VGF: variants seen among roughly 807,000 people sequenced by gnomAD.
VGF encodes the protein VGF nerve growth factor inducible, also known as neurosecretory protein VGF.
Under a neutral mutation model 41.1 loss-of-function variants are expected in VGF, and 13 were observed. The ratio of observed to expected loss-of-function variants is 0.32; its 90% CI spans 0.21 to 0.50. The LOEUF is 0.50. Ranked by LOEUF, VGF falls within the 20% of genes least tolerant of loss-of-function variation. The pLI, the probability that VGF is intolerant of heterozygous loss-of-function variation, is 0.98. For missense variants in VGF, 920 were observed against 882.1 expected, an observed-to-expected ratio of 1.04 and a Z score of -0.54; for synonymous variants, 473 against 418.3, an observed-to-expected ratio of 1.13 and a Z score of -1.60.
chr7:101,167,538 C>G (rs1324115321), upstream of VGF, among the ~76,000 whole-genome samples: 1 of 151,986 alleles, frequency 6.6e-6, no homozygotes, highest in Admixed American at 6.6e-5. The surrounding 1 kb of genome is among the most constrained non-coding windows in gnomAD (Gnocchi z 4.2). Flanking sequence ...GAGGGGGTCA[C>G]GTTACCTTCC....
chr7:101,168,460 C>G (rs908738544), upstream of VGF, among the ~76,000 whole-genome samples: 2 of 152,088 alleles, frequency 1.3e-5, no homozygotes, highest in Admixed American at 1.3e-4. Flanking sequence ...CCTGCTGCCT[C>G]TAGGGGCTTC....
Position 101,163,267 on chromosome 7 carries a change from A to G in VGF, c.1577T>C (p.Val526Ala). ...CTCCTCCCGATCCCAGGGCGGGAGC[A>G]CCTCGTTCCAGTCCGGCAGCTCGTC... Reference protein sequence around the residue: ...ARDELPDWNEVLPPWDREEDE... With the variant: ...ARDELPDWNEALPPWDREEDE... Residue 526 changes from valine (V) to alanine (A), a missense_variant, in exon 2 of 2, where the codon GTG (valine) becomes GCG (alanine). This residue lies in a region of VGF where 257 missense variants were observed against 217.2 expected (regional missense o/e 1.18). Coordinates refer to ENST00000249330, the MANE Select transcript of VGF (RefSeq NM_003378.4). This position sits in a 1 kb window ranked among gnomAD's most constrained non-coding sequence, Gnocchi z 5.0. 1 of 1,470,358 alleles carries G rather than the reference A, an allele frequency of 6.8e-7. No individual in the cohort carries two copies. Among genetic ancestry groups the G allele is most frequent in the Non-Finnish European group, 9.0e-7 (1 of 1,116,998 alleles). 91.1% of individuals were successfully genotyped at this position (1,470,358 alleles called of 1,614,324 possible). A position where few individuals can be genotyped will look rare whatever the true frequency, so the allele number is the denominator to read the frequency against.
In VGF at chr7:101,163,430, T is replaced by A. The variant is rs1210739392; in HGVS notation, c.1414A>T (p.Ile472Phe). 1 of 1,611,640 alleles carries A rather than the reference T, an allele frequency of 6.2e-7. No individual in the cohort carries two copies. Among genetic ancestry groups the A allele is most frequent in the Non-Finnish European group, 8.5e-7 (1 of 1,179,858 alleles). ...CGCTTCTCCTCCACCTCCTCGATGA[T>A]GCTGACCACGTCGTCCGCTGGCAGG... ...LHLPADDVVS[I>F]IEEVEEKRKR... The change falls in exon 2 of 2, where the codon ATC becomes TTC. Residue 472 changes from isoleucine (I) to phenylalanine (F), a missense_variant. By Grantham distance (21) the Ile-to-Phe change is conservative. This residue lies in a region of VGF where 257 missense variants were observed against 217.2 expected (regional missense o/e 1.18). Coordinates refer to ENST00000249330, the MANE Select transcript of VGF (RefSeq NM_003378.4). This position sits in a 1 kb window ranked among gnomAD's most constrained non-coding sequence, Gnocchi z 5.0.
In VGF at chr7:101,163,108, C is replaced by A. The variant is rs1298953955; in HGVS notation, c.1736G>T (p.Arg579Leu). ...CTGCGCGCGCCGCGCCTGGGCCTCC[C>A]GGCCGGGATAGTGGCGCGAAGGCGG... ...ALPPSRHYPG[R>L]EAQARRAQEE... The change falls in exon 2 of 2, where the codon CGG (arginine) becomes CTG (leucine). Residue 579 changes from arginine to leucine, a missense_variant. This residue lies in a region of VGF where 257 missense variants were observed against 217.2 expected (regional missense o/e 1.18). Transcript: ENST00000249330. The surrounding 1 kb of genome is among the most constrained non-coding windows in gnomAD (Gnocchi z 5.0). The A allele has an allele frequency of 6.3e-7, 1 of 1,581,422 alleles. No individual in the cohort carries two copies. Among genetic ancestry groups the A allele is most frequent in the Non-Finnish European group, 8.6e-7 (1 of 1,167,412 alleles).
Position 101,162,742 on chromosome 7 carries a change from C to T in VGF, c.*254G>A, listed in dbSNP as rs1562866962. On this transcript the variant is annotated 3_prime_UTR_variant, in exon 2 of 2. Transcript: ENST00000249330. The surrounding 1 kb of genome is among the most constrained non-coding windows in gnomAD (Gnocchi z 4.2). ...GGGACTTGATGGGGCCGGGGCCCCGCGTGGCAAGGGAACTCGCACAAACCA... is the reference window on the plus strand; with the variant it reads ...GGGACTTGATGGGGCCGGGGCCCCGTGTGGCAAGGGAACTCGCACAAACCA... 1.6e-6 allele frequency: 1 copy of T among 607,774 alleles called. No homozygotes were observed. The allele number at this position is 607,774 out of a possible 1,614,324, so 37.6% of individuals were successfully genotyped here. A position where few individuals can be genotyped will look rare whatever the true frequency, so the allele number is the denominator to read the frequency against.
At chr7:101,164,914 C>T (rs527819279) in intron 1 of VGF, 51 bp from the exon 2 acceptor site, 30 of 1,470,006 alleles carry the variant, frequency 2.0e-5, no homozygotes, top group Non-Finnish European at 2.6e-5. Context: ...GAATTCCCCT[C>T]TCTAGGTCTA....
intron 1 of VGF, 186 bp downstream of exon 1, chr7:101,165,188 T>G: frequency 9.7e-7 from 1 of 1,029,624 alleles, no homozygotes; most frequent in Non-Finnish European, 1.2e-6. Flanking sequence ...CCCGTAGGAC[T>G]CCCCGGATGG....
In VGF at chr7:101,164,135, C is replaced by A; in HGVS notation, c.709G>T (p.Asp237Tyr). 6.7e-7 allele frequency: 1 copy of A among 1,502,592 alleles called. No individual in the cohort carries two copies. Among genetic ancestry groups the A allele is most frequent in the Non-Finnish European group, 8.8e-7 (1 of 1,133,850 alleles). The allele number at this position is 1,502,592 out of a possible 1,614,324, so 93.1% of individuals were successfully genotyped here. A position where few individuals can be genotyped will look rare whatever the true frequency, so the allele number is the denominator to read the frequency against. ...APSQFQARMP[D>Y]SGPLPETHKF... ...TGGGTTTCGGGAAGGGGCCCGCTGT[C>A]GGGCATACGCGCCTGGAATTGAGAG... Residue 237 changes from aspartate (D) to tyrosine (Y), a missense_variant, in exon 2 of 2, where the codon GAC (aspartate) becomes TAC (tyrosine). Transcript: ENST00000249330.
Position 101,163,404 on chromosome 7 carries a change from C to A in VGF, c.1440G>T (p.Arg480=). The A allele has an allele frequency of 1.9e-6, 3 of 1,604,686 alleles. No homozygotes were observed. Among genetic ancestry groups the A allele is most frequent in the Non-Finnish European group, 2.5e-6 (3 of 1,179,234 alleles). ...VSIIEEVEEK[R]KRKKNAPPEP... The stretch of plus-strand genomic sequence containing the variant: ...CGGGAGGGGCGTTCTTCTTCCGCTT[C>A]CGCTTCTCCTCCACCTCCTCGATGA... Residue 480 remains arginine (R), a synonymous_variant, in exon 2 of 2, where the codon CGG becomes CGT. Coordinates refer to ENST00000249330, the MANE Select transcript of VGF (RefSeq NM_003378.4). This position sits in a 1 kb window ranked among gnomAD's most constrained non-coding sequence, Gnocchi z 5.0.
chr7:101,163,926 G>A lies in VGF; in HGVS notation c.918C>T (p.Ala306=). 2.7e-6 allele frequency: 4 copies of A among 1,459,428 alleles called. No individual in the cohort carries two copies. Among genetic ancestry groups the A allele is most frequent in the Non-Finnish European group, 3.6e-6 (4 of 1,117,812 alleles). 90.4% of individuals were successfully genotyped at this position (1,459,428 alleles called of 1,614,324 possible). ...GCGTGGCCTCCGCCTGCCGCCGCCC[G>A]GCCTCCACCTGCGCCAGCCCTTGCT... The part of the protein sequence containing the change: ...LLQQGLAQVE[A]GRRQAEATRQ... The change falls in exon 2 of 2, where the codon GCC becomes GCT. Residue 306 remains alanine, a synonymous_variant. Coordinates refer to ENST00000249330, the MANE Select transcript of VGF (RefSeq NM_003378.4). This position sits in a 1 kb window ranked among gnomAD's most constrained non-coding sequence, Gnocchi z 5.0.
chr7:101,163,301 G>A lies in VGF; in HGVS notation c.1543C>T (p.Pro515Ser), dbSNP rs748239631. 18 of 1,484,304 alleles carry A rather than the reference G, an allele frequency of 1.2e-5. No individual in the cohort carries two copies. Among genetic ancestry groups the A allele is most frequent in the Non-Finnish European group, 1.6e-5 (18 of 1,128,270 alleles). The allele number at this position is 1,484,304 out of a possible 1,614,324, so 91.9% of individuals were successfully genotyped here. A position where few individuals can be genotyped will look rare whatever the true frequency, so the allele number is the denominator to read the frequency against. The change falls in exon 2 of 2, where the codon CCC (proline) becomes TCC (serine). Residue 515 changes from proline (P) to serine (S), a missense_variant. This residue lies in a region of VGF where 257 missense variants were observed against 217.2 expected (regional missense o/e 1.18). Coordinates refer to ENST00000249330, the MANE Select transcript of VGF (RefSeq NM_003378.4). This position sits in a 1 kb window ranked among gnomAD's most constrained non-coding sequence, Gnocchi z 5.0. The part of the protein sequence containing the change: ...SPQPPPPAPA[P>S]ARDELPDWNE... ...CAGTCCGGCAGCTCGTCTCGTGCGG[G>A]AGCGGGGGCGGGGGGCGGGGGCTGC...
At position 101,163,888 on chromosome 7, in the gene VGF, G is replaced by A; in HGVS notation, c.956C>T (p.Ala319Val). Residue 319 changes from alanine to valine, a missense_variant, in exon 2 of 2, where the codon GCG becomes GTG. By Grantham distance (64) the Ala-to-Val change is moderately conservative. Transcript: ENST00000249330. The surrounding 1 kb of genome is among the most constrained non-coding windows in gnomAD (Gnocchi z 5.0). Reference sequence around the variant, plus strand: ...GAGGTCGGCCAGCCGCTCTTCCTGCGCCGCGGCCTGCCGCGTGGCCTCCGC... The same window carrying A: ...GAGGTCGGCCAGCCGCTCTTCCTGCACCGCGGCCTGCCGCGTGGCCTCCGC... ...RQAEATRQAA[A>V]QEERLADLAS... 1 of 1,479,628 alleles carries A rather than the reference G, an allele frequency of 6.8e-7. No individual in the cohort carries two copies. The highest frequency in any genetic ancestry group is 8.9e-7 in the Non-Finnish European group (1 of 1,125,054). The allele number at this position is 1,479,628 out of a possible 1,614,324, so 91.7% of individuals were successfully genotyped here.
In VGF at chr7:101,163,281, C is replaced by G; in HGVS notation, c.1563G>C (p.Pro521=). 2 of 1,485,772 alleles carry G rather than the reference C, an allele frequency of 1.3e-6. No homozygotes were observed. The highest frequency in any genetic ancestry group is 1.8e-6 in the Non-Finnish European group (2 of 1,126,472). The allele number at this position is 1,485,772 out of a possible 1,614,324, so 92.0% of individuals were successfully genotyped here. The stretch of plus-strand genomic sequence containing the variant: ...AGGGCGGGAGCACCTCGTTCCAGTC[C>G]GGCAGCTCGTCTCGTGCGGGAGCGG... ...PAPAPARDEL[P]DWNEVLPPWD... The change falls in exon 2 of 2, where the codon CCG becomes CCC. Residue 521 remains proline, a synonymous_variant. Coordinates refer to ENST00000249330, the MANE Select transcript of VGF (RefSeq NM_003378.4). This position sits in a 1 kb window ranked among gnomAD's most constrained non-coding sequence, Gnocchi z 5.0.
At position 101,162,838 on chromosome 7, in the gene VGF, G is replaced by C. The variant is rs1377419315; in HGVS notation, c.*158C>G. ...GGAGTTCGGGCTCAGGACCCGGGAG[G>C]GGGGTCTGGCAGGTCCCGACGCAGC... is the stretch of plus-strand genomic sequence containing the variant. On this transcript the variant is annotated 3_prime_UTR_variant, in exon 2 of 2. Transcript: ENST00000249330. This position sits in a 1 kb window ranked among gnomAD's most constrained non-coding sequence, Gnocchi z 4.2. 3.0e-6 allele frequency: 2 copies of C among 669,008 alleles called. No individual in the cohort carries two copies. The highest frequency in any genetic ancestry group is 1.5e-5 in the South Asian group (1 of 66,434). 41.4% of individuals were successfully genotyped at this position (669,008 alleles called of 1,614,324 possible).
At position 101,163,669 on chromosome 7, in the gene VGF, G is replaced by A. The variant is rs1388406510; in HGVS notation, c.1175C>T (p.Ala392Val). 1.3e-6 allele frequency: 2 copies of A among 1,538,090 alleles called. No individual in the cohort carries two copies. Among genetic ancestry groups the A allele is most frequent in the East Asian group, 2.4e-5 (1 of 40,938 alleles). Residue 392 changes from alanine to valine, a missense_variant, in exon 2 of 2, where the codon GCG becomes GTG. Ala to Val is a moderately conservative substitution (Grantham distance 64). This residue lies in a region of VGF where 654 missense variants were observed against 638.4 expected (regional missense o/e 1.02). Coordinates refer to ENST00000249330, the MANE Select transcript of VGF (RefSeq NM_003378.4). The surrounding 1 kb of genome is among the most constrained non-coding windows in gnomAD (Gnocchi z 5.0). Reference protein sequence around the residue: ...DEEAAEAEAEAEEAERARQNA... With the variant: ...DEEAAEAEAEVEEAERARQNA... ...CTGCCGCGCCCTCTCCGCCTCCTCC[G>A]CCTCTGCCTCCGCCTCGGCCGCCTC...
chr7:101,167,996 T>G (rs1302222835), upstream of VGF, among the ~76,000 whole-genome samples: 1 of 149,012 alleles, frequency 6.7e-6, no homozygotes, highest in African/African-American at 2.5e-5. This position sits in a 1 kb window ranked among gnomAD's most constrained non-coding sequence, Gnocchi z 4.2. Context: ...CGCGCGTGTG[T>G]GTGTGCTGGG....
rs1797125132 is a variant in VGF, at chr7:101,162,650, A to G, written c.*346T>C. The G allele has an allele frequency of 2.6e-6, 1 of 390,070 alleles. No homozygotes were observed. The highest frequency in any genetic ancestry group is 5.0e-6 in the Non-Finnish European group (1 of 199,616). The allele number at this position is 390,070 out of a possible 1,614,324, so 24.2% of individuals were successfully genotyped here. A position where few individuals can be genotyped will look rare whatever the true frequency, so the allele number is the denominator to read the frequency against. On this transcript the variant is annotated 3_prime_UTR_variant, in exon 2 of 2. Coordinates refer to ENST00000249330, the MANE Select transcript of VGF (RefSeq NM_003378.4). The surrounding 1 kb of genome is among the most constrained non-coding windows in gnomAD (Gnocchi z 4.2). ...GCTCGTGGGAGGCCCGAAGGGCTGGAGACAGACACACTTCACACAATTAAC... is the reference window on the plus strand; with the variant it reads ...GCTCGTGGGAGGCCCGAAGGGCTGGGGACAGACACACTTCACACAATTAAC...
In VGF at chr7:101,163,588, C is replaced by T; in HGVS notation, c.1256G>A (p.Arg419His). 2 of 1,566,830 alleles carry T rather than the reference C, an allele frequency of 1.3e-6. No homozygotes were observed. The highest frequency in any genetic ancestry group is 1.7e-6 in the Non-Finnish European group (2 of 1,156,908). The stretch of plus-strand genomic sequence containing the variant: ...GTGGCCCGGCGTCTCCTCCTGGGAG[C>T]GCTTGTCCTCGGCGCCGGCTTCCCC... ...EDGEAGAEDKRSQEETPGHRR... is the reference protein window; with the variant it reads ...EDGEAGAEDKHSQEETPGHRR... Residue 419 changes from arginine to histidine, a missense_variant, in exon 2 of 2, where the codon CGC becomes CAC. Physicochemically the swap from Arg to His is conservative, Grantham distance 29. Transcript: ENST00000249330. The surrounding 1 kb of genome is among the most constrained non-coding windows in gnomAD (Gnocchi z 5.0).
rs1298880881 is a variant in VGF, at chr7:101,163,605, G to C, written c.1239C>G (p.Ala413=). ...CCTGGGAGCGCTTGTCCTCGGCGCC[G>C]GCTTCCCCGTCCTCCTCCTCCGCGA... ...LLFAEEEDGE[A]GAEDKRSQEE... The change falls in exon 2 of 2, where the codon GCC becomes GCG. Residue 413 remains alanine, a synonymous_variant. Transcript: ENST00000249330. The surrounding 1 kb of genome is among the most constrained non-coding windows in gnomAD (Gnocchi z 5.0). 4 of 1,555,014 alleles carry C rather than the reference G, an allele frequency of 2.6e-6. No homozygotes were observed. Among genetic ancestry groups the C allele is most frequent in the African/African-American group, 2.7e-5 (2 of 73,352 alleles).
Sources: gnomAD v4.1 joint callset for allele counts (sites outside exome capture counted in the v4.1 genomes callset) on GRCh38, gnomAD v4.1.1 for gene constraint, gnomAD v4.1.1 regional missense constraint, Gnocchi (gnomAD v3.1) non-coding constraint, MANE v1.5 for transcripts, NCBI Gene and HGNC (gene_info 2026-07-23, HGNC 2026-07-21) for gene names.